The following LRRC49 variants were observed in gnomAD, a reference collection of about 807,000 sequenced individuals.
LRRC49 encodes the protein leucine-rich repeat-containing protein 49.
In LRRC49, 50 loss-of-function variants were observed where a neutral mutation model predicts 83.3. The observed-to-expected ratio is 0.60, with a 90% CI of 0.48 to 0.76. The LOEUF (loss-of-function observed/expected upper bound fraction) is 0.76. Ranked by LOEUF, LRRC49 falls within the 30% of genes least tolerant of loss-of-function variation. The probability of loss-of-function intolerance (pLI) is 0.00; values close to 1 mark genes in which losing one functional copy is unlikely to be tolerated. For synonymous variants in LRRC49, 286 were observed against 283.3 expected (o/e 1.01, Z -0.10); for missense variants, 704 against 809.1 (o/e 0.87, Z 1.58).
intron 6 of LRRC49, chr15:70,918,715 A>T (rs1452128133): frequency 5.6e-6 from 1 of 177,140 alleles, no homozygotes; most frequent in East Asian, 1.6e-4. Context: ...GGATCACAGT[A>T]TGTTTCTATT....
chr15:70,892,914 G>C lies in LRRC49; in HGVS notation c.20G>C (p.Arg7Pro). The C allele has an allele frequency of 1.9e-6, 3 of 1,614,178 alleles. No individual in the cohort carries two copies. Among genetic ancestry groups the C allele is most frequent in the Non-Finnish European group, 2.5e-6 (3 of 1,180,034 alleles). Reference sequence around the variant, plus strand: ...CCTATCATGATTCCCGGGAAATATCGCTCTGTTTCTGGCCGGGCTGCGAAC... The same window carrying C: ...CCTATCATGATTCCCGGGAAATATCCCTCTGTTTCTGGCCGGGCTGCGAAC... MIPGKY[R>P]SVSGRAANNV... Residue 7 changes from arginine (R) to proline (P), a missense_variant, in exon 1 of 16, where the codon CGC becomes CCC. By Grantham distance (103) the Arg-to-Pro change is moderately radical. Coordinates refer to ENST00000260382, the MANE Select transcript of LRRC49 (RefSeq NM_017691.5).
chr15:71,035,468 G>T (rs1005993486), intron 14 of LRRC49, among the ~76,000 whole-genome samples: 1 of 151,878 alleles, frequency 6.6e-6, no homozygotes, highest in African/African-American at 2.4e-5. Context: ...CCTACATTAG[G>T]TATTTCTCCT....
At chr15:70,950,877 T>A (rs1045289058) in intron 8 of LRRC49, among the ~76,000 whole-genome samples, 2 of 152,120 alleles carry the variant, frequency 1.3e-5, no homozygotes, top group African/African-American at 4.8e-5. Context: ...TCTCCTAGGG[T>A]TTTTATTGGT....
At chr15:70,945,423 A>G (rs1010558620) in intron 8 of LRRC49, among the ~76,000 whole-genome samples, 2 of 152,010 alleles carry the variant, frequency 1.3e-5, no homozygotes, top group Non-Finnish European at 2.9e-5. Flanking sequence ...TCAAATTGTC[A>G]TGATTGTATA....
intron 8 of LRRC49, among the ~76,000 whole-genome samples, chr15:70,938,969 G>A (rs1170194693): frequency 6.6e-6 from 1 of 152,138 alleles, no homozygotes; most frequent in Non-Finnish European, 1.5e-5. Context: ...CATTTTAAAA[G>A]CATACACTGT....
chr15:70,907,702 T>A (rs2034374651), intron 5 of LRRC49: 1 of 263,852 alleles, frequency 3.8e-6, no homozygotes, highest in Non-Finnish European at 7.7e-6. Context: ...GAGGTCTTTA[T>A]CCTGGCATCA....
chr15:70,914,172 A>G (rs998764355), intron 6 of LRRC49, among the ~76,000 whole-genome samples: 16 of 152,226 alleles, frequency 1.1e-4, no homozygotes, highest in South Asian at 8.3e-4. Context: ...AATAGCAAAA[A>G]TTCACAGTAT....
intron 15 of LRRC49, among the ~76,000 whole-genome samples, chr15:71,040,677 G>T: frequency 6.6e-6 from 1 of 151,928 alleles, no homozygotes. Flanking sequence ...AAAATTAGCC[G>T]GGCGTGGTGG....
At chr15:70,900,578 A>T (rs1242156644) in intron 3 of LRRC49, 2 of 458,304 alleles carry the variant, frequency 4.4e-6, no homozygotes, top group Non-Finnish European at 4.4e-6. Flanking sequence ...GCCCAAATAT[A>T]TCTGGTAATG....
At chr15:71,020,449 T>C (rs753383710) in intron 14 of LRRC49, among the ~76,000 whole-genome samples, 2 of 152,096 alleles carry the variant, frequency 1.3e-5, no homozygotes, top group Non-Finnish European at 2.9e-5. Flanking sequence ...ACTGATGAAA[T>C]ACACAAACTA....
chr15:70,893,722 A>G (rs911480808), intron 2 of LRRC49, 82 bp downstream of exon 2: 1 of 1,101,662 alleles, frequency 9.1e-7, no homozygotes, highest in African/African-American at 1.6e-5. Flanking sequence ...AAGTGTAGAT[A>G]GATTCTAAAC....
intron 4 of LRRC49, chr15:70,902,401 A>G (rs998977461): frequency 2.0e-5 from 3 of 152,254 alleles, no homozygotes; most frequent in East Asian, 1.9e-4. Flanking sequence ...TTGATCAGGC[A>G]GAGACTTGCT....
chr15:71,026,785 G>T (rs900409073), intron 14 of LRRC49, among the ~76,000 whole-genome samples: 6 of 152,022 alleles, frequency 3.9e-5, no homozygotes, highest in African/African-American at 1.2e-4. Context: ...TTTTGATGGG[G>T]TTGTTTGTTT....
At chr15:70,958,958 T>C (rs2036497672) in intron 8 of LRRC49, among the ~76,000 whole-genome samples, 3 of 152,218 alleles carry the variant, frequency 2.0e-5, no homozygotes, top group Admixed American at 2.0e-4. Flanking sequence ...ACCTACATTA[T>C]TTTCTATACC....
rs916954286 is a variant in LRRC49, at chr15:70,860,163, A to T, written c.-299+6694A>T. ...GTCCTCTGACATCCTGCCTAAGTGA[A>T]CAGACGCGGCAGCCCCTCCCATCCT... On this transcript the variant is annotated intron_variant, in intron 1 of 16. Transcript: ENST00000544974. 7 of 679,422 alleles carry T rather than the reference A, an allele frequency of 1.0e-5. No individual in the cohort carries two copies. In the African/African-American group the frequency reaches 1.2e-4, roughly 12 times the overall value. The allele number at this position is 679,422 out of a possible 1,614,324, so 42.1% of individuals were successfully genotyped here. A position where few individuals can be genotyped will look rare whatever the true frequency, so the allele number is the denominator to read the frequency against.
chr15:71,027,027 T>A (rs1433409546), intron 14 of LRRC49, among the ~76,000 whole-genome samples: 2 of 152,238 alleles, frequency 1.3e-5, no homozygotes, highest in Admixed American at 1.3e-4. Flanking sequence ...CATGACTATG[T>A]CCTGAATGGT....
intron 6 of LRRC49, among the ~76,000 whole-genome samples, chr15:70,913,658 C>G (rs1156383829): frequency 6.6e-6 from 1 of 152,058 alleles, no homozygotes; most frequent in African/African-American, 2.4e-5. Flanking sequence ...TTGTGGAGGG[C>G]TTTGTATGCC....
chr15:70,918,935 A>T, intron 6 of LRRC49, 115 bp from the exon 7 acceptor site: 1 of 748,410 alleles, frequency 1.3e-6, no homozygotes, highest in Non-Finnish European at 2.1e-6. Flanking sequence ...AAATGTCTAC[A>T]TATAAACTTG....
chr15:70,866,636 T>A (rs183710177), intron 1 of LRRC49, among the ~76,000 whole-genome samples: 4 of 152,268 alleles, frequency 2.6e-5, no homozygotes, highest in Admixed American at 2.0e-4. Flanking sequence ...AACTTCTAAG[T>A]CCTCAGGGTC....
Sources: gnomAD v4.1 joint callset for allele counts (sites outside exome capture counted in the v4.1 genomes callset) on GRCh38, gnomAD v4.1.1 for gene constraint, MANE v1.5 for transcripts, NCBI Gene and HGNC (gene_info 2026-07-23, HGNC 2026-07-21) for gene names.